ERMP1: variants seen among roughly 807,000 people sequenced by gnomAD.
ERMP1 encodes Felix-ina.
Under a neutral mutation model 92.0 loss-of-function variants are expected in ERMP1, and 86 were observed. The observed-to-expected ratio is 0.93, with a 90% CI of 0.79 to 1.12. The LOEUF is 1.12. ERMP1 is among the 50% of genes most tolerant of loss of function. ERMP1 has a pLI of 0.00. For synonymous variants in ERMP1, 530 were observed against 412.8 expected (o/e 1.28, Z -3.44); for missense variants, 1,342 against 1,116.3 (o/e 1.20, Z -2.88).
At chr9:5,794,094 C>G (rs1828312553) in intron 13 of ERMP1, among the ~76,000 whole-genome samples, 1 of 152,022 alleles carries the variant, frequency 6.6e-6, no homozygotes, top group African/African-American at 2.4e-5. Context: ...AAAGTATGCT[C>G]TCAGACCACA....
chr9:5,787,335 C>G (rs1219392183), intron 14 of ERMP1, 27 bp from the exon 15 acceptor site: 1 of 1,607,018 alleles, frequency 6.2e-7, no homozygotes, highest in South Asian at 1.1e-5. Context: ...ATTAGTTCTC[C>G]AGTTCTCAGA....
chr9:5,857,122 A>T (rs1486813078), intron 6 of ERMP1, among the ~76,000 whole-genome samples: 1 of 152,112 alleles, frequency 6.6e-6, no homozygotes, highest in Non-Finnish European at 1.5e-5. Flanking sequence ...CCTGGGCTCA[A>T]GCCATCCTCC....
At chr9:5,863,522 T>C (rs897972133) in intron 5 of ERMP1, among the ~76,000 whole-genome samples, 1 of 152,148 alleles carries the variant, frequency 6.6e-6, no homozygotes, top group Non-Finnish European at 1.5e-5. Flanking sequence ...TGTGTCCAGC[T>C]GGGGAGAGGG....
chr9:5,840,302 T>A (rs1164061217), intron 6 of ERMP1, among the ~76,000 whole-genome samples: 2 of 151,916 alleles, frequency 1.3e-5, no homozygotes, highest in African/African-American at 4.8e-5. Context: ...GGAGGAAGGT[T>A]GGGAGGGAGG....
At chr9:5,824,411 T>C (rs1408520062) in intron 3 of ERMP1, among the ~76,000 whole-genome samples, 1 of 152,156 alleles carries the variant, frequency 6.6e-6, no homozygotes, top group African/African-American at 2.4e-5. Flanking sequence ...CCCTCTTTTT[T>C]TGTTTGCTCA....
At chr9:5,850,537 C>T (rs1422385136) in intron 6 of ERMP1, among the ~76,000 whole-genome samples, 3 of 151,800 alleles carry the variant, frequency 2.0e-5, no homozygotes, top group Non-Finnish European at 4.4e-5. Context: ...CAAGTTCCTC[C>T]TGTGACTCTG....
At position 5,787,072 on chromosome 9, in the gene ERMP1, C is replaced by T. The variant is rs147211342; in HGVS notation, c.*72G>A. The T allele has an allele frequency of 7.1e-4, 984 of 1,395,650 alleles. 2 individuals carry two copies. Among genetic ancestry groups the T allele is most frequent in the African/African-American group, 5.0e-3 (349 of 69,372 alleles). The allele number at this position is 1,395,650 out of a possible 1,614,324, so 86.5% of individuals were successfully genotyped here. A position where few individuals can be genotyped will look rare whatever the true frequency, so the allele number is the denominator to read the frequency against. On this transcript the variant is annotated 3_prime_UTR_variant, in exon 15 of 15. Transcript: ENST00000339450. Reference sequence around the variant, plus strand: ...ATTCATTGACTTACGTTACAAACATCCACGTAACATAGGGAGAAACCATGT... The same window carrying T: ...ATTCATTGACTTACGTTACAAACATTCACGTAACATAGGGAGAAACCATGT...
At chr9:5,819,987 A>T (rs1829468161) in intron 4 of ERMP1, among the ~76,000 whole-genome samples, 1 of 152,168 alleles carries the variant, frequency 6.6e-6, no homozygotes, top group South Asian at 2.1e-4. Context: ...TGTAACTTTA[A>T]AAAAAAGAAT....
chr9:5,832,434 G>A (rs548575910), intron 1 of ERMP1: 13 of 444,482 alleles, frequency 2.9e-5, no homozygotes, highest in East Asian at 7.3e-5. Flanking sequence ...GGCAGACAGT[G>A]GAAAGCAGGT....
At chr9:5,829,187 C>T (rs7042100) in intron 2 of ERMP1, among the ~76,000 whole-genome samples, 139,067 of 147,896 alleles carry the variant, frequency 0.94, 65,986 homozygotes, top group East Asian at 1. Flanking sequence ...TGCATGCCAG[C>T]CTGGTGACAG....
At chr9:5,849,862 T>G (rs1413242920) in intron 6 of ERMP1, among the ~76,000 whole-genome samples, 1 of 152,124 alleles carries the variant, frequency 6.6e-6, no homozygotes, top group African/African-American at 2.4e-5. Flanking sequence ...GACAGTAAAA[T>G]CTAGGCCAAA....
chr9:5,821,460 A>G (rs1829533070), intron 4 of ERMP1, among the ~76,000 whole-genome samples: 1 of 152,180 alleles, frequency 6.6e-6, no homozygotes, highest in African/African-American at 2.4e-5. Flanking sequence ...CTAAAACCAT[A>G]TGCATTTAAT....
At chr9:5,852,041 C>T (rs970372943) in intron 6 of ERMP1, among the ~76,000 whole-genome samples, 10 of 152,020 alleles carry the variant, frequency 6.6e-5, no homozygotes, top group South Asian at 2.1e-4. Context: ...ATTATATAGA[C>T]GTTTATGTCA....
At chr9:5,841,413 C>A (rs1299378874) in intron 6 of ERMP1, among the ~76,000 whole-genome samples, 1 of 152,182 alleles carries the variant, frequency 6.6e-6, no homozygotes, top group East Asian at 1.9e-4. Flanking sequence ...TGCATAGAGG[C>A]AGAACACAGG....
chr9:5,831,980 G>A (rs1052869244), intron 1 of ERMP1, among the ~76,000 whole-genome samples: 2 of 151,980 alleles, frequency 1.3e-5, no homozygotes, highest in Non-Finnish European at 2.9e-5. Context: ...TTAGAACACA[G>A]TAGCTGTTGA....
chr9:5,787,656 A>C, intron 13 of ERMP1, 63 bp from the exon 14 acceptor site: 1 of 1,503,162 alleles, frequency 6.7e-7, no homozygotes, highest in African/African-American at 1.4e-5. Flanking sequence ...AATAACCCAC[A>C]ATCCAAACCA....
intron 6 of ERMP1, among the ~76,000 whole-genome samples, chr9:5,853,060 G>A (rs868704337): frequency 6.6e-6 from 1 of 152,158 alleles, no homozygotes; most frequent in Non-Finnish European, 1.5e-5. Flanking sequence ...GGGCTTCTGG[G>A]GGTGAAAAAT....
upstream of ERMP1, chr9:5,833,139 G>A: frequency 2.0e-6 from 2 of 1,017,272 alleles, no homozygotes; most frequent in Non-Finnish European, 2.7e-6. Flanking sequence ...GGAAACTGCA[G>A]AGGGCCAAAC....
At chr9:5,856,681 C>A (rs57204221) in intron 6 of ERMP1, among the ~76,000 whole-genome samples, 4 of 152,132 alleles carry the variant, frequency 2.6e-5, no homozygotes, top group African/African-American at 9.7e-5. Flanking sequence ...AATACTGAAC[C>A]ATTGCTCCTA....
Sources: allele counts gnomAD v4.1 joint callset (sites outside exome capture counted in the v4.1 genomes callset), GRCh38; gene constraint gnomAD v4.1.1; transcripts MANE v1.5; gene names NCBI Gene and HGNC (gene_info 2026-07-23, HGNC 2026-07-21).